Variants in ANKRD11 observed in about 807,000 individuals in gnomAD.
ANKRD11 encodes the protein ankyrin repeat domain-containing protein 11.
A neutral mutation model predicts 195.7 loss-of-function variants in ANKRD11; 17 were observed. The ratio of observed to expected loss-of-function variants is 0.09; its 90% confidence interval spans 0.06 to 0.13. ANKRD11 has a LOEUF of 0.13. ANKRD11 is among the 10% of genes least tolerant of loss of function. The pLI, the probability that ANKRD11 is intolerant of heterozygous loss-of-function variation, is 1.00. For missense variants in ANKRD11, 3,735 were observed against 3,566.1 expected (o/e 1.05, Z -1.21); for synonymous variants, 1,953 against 1,528.1 (o/e 1.28, Z -6.49).
intron 1 of ANKRD11, among the ~76,000 whole-genome samples, chr16:89,429,104 G>A (rs1041704486): frequency 2.0e-5 from 3 of 151,362 alleles, no homozygotes; most frequent in African/African-American, 7.3e-5. Context: ...CAACTCTCAC[G>A]CTCAGACGTT....
intron 2 of ANKRD11, among the ~76,000 whole-genome samples, chr16:89,356,792 A>AG (rs1259798500): frequency 6.6e-6 from 1 of 151,214 alleles, no homozygotes; most frequent in Non-Finnish European, 1.5e-5. Flanking sequence ...AAAAAAAAAA[A>AG]AAAGAAAAAA....
chr16:89,286,204 C>T lies in ANKRD11; in HGVS notation c.745-18G>A, dbSNP rs754189824. On this transcript the variant is annotated intron_variant, in intron 7 of 12. Transcript: ENST00000301030. ...TTCACCACCTACAAGACAGTAACAC[C>T]CGCGTCAGGGACTGCTGGAGAAGCA... 1.9e-6 allele frequency: 3 copies of T among 1,611,738 alleles called. No homozygotes were observed. Among genetic ancestry groups the T allele is most frequent in the South Asian group, 2.2e-5 (2 of 91,076 alleles).
In ANKRD11 at chr16:89,281,352, A is replaced by T. The variant is rs781519117; in HGVS notation, c.5190T>A (p.Asp1730Glu). 1 of 1,611,708 alleles carries T rather than the reference A, an allele frequency of 6.2e-7. No homozygotes were observed. Among genetic ancestry groups the T allele is most frequent in the Admixed American group, 1.7e-5 (1 of 59,956 alleles). Residue 1730 changes from aspartate (D) to glutamate (E), a missense_variant, in exon 9 of 13, where the codon GAT (aspartate) becomes GAA (glutamate). Asp to Glu is a conservative substitution (Grantham distance 45). Coordinates refer to ENST00000301030, the MANE Select transcript of ANKRD11 (RefSeq NM_013275.6). The surrounding 1 kb of genome is among the most constrained non-coding windows in gnomAD (Gnocchi z 5.5). ...HTPRTPSCSA[D>E]DYADLVFDCA... ...AGTCGAACACGAGGTCCGCGTAGTC[A>T]TCGGCGCTGCAGGACGGGGTCCTGG...
intron 2 of ANKRD11, among the ~76,000 whole-genome samples, chr16:89,328,614 CTGAG>C (rs1567655142): frequency 6.8e-6 from 1 of 146,772 alleles, no homozygotes; most frequent in East Asian, 2.0e-4. Flanking sequence ...GAGGCCCCTG[CTGAG>C]TGAGTGGACA....
chr16:89,331,220 C>G (rs1228035750), intron 2 of ANKRD11, among the ~76,000 whole-genome samples: 1 of 152,208 alleles, frequency 6.6e-6, no homozygotes. Flanking sequence ...TCCCAAAGTG[C>G]TAGGATTACA....
chr16:89,373,272 C>G (rs2040271768), intron 2 of ANKRD11: 1 of 152,348 alleles, frequency 6.6e-6, no homozygotes, highest in East Asian at 1.9e-4. Context: ...AAAATTATCC[C>G]CAGATAAGTG....
intron 1 of ANKRD11, among the ~76,000 whole-genome samples, chr16:89,436,178 A>T (rs1456174957): frequency 6.6e-6 from 1 of 152,048 alleles, no homozygotes; most frequent in Non-Finnish European, 1.5e-5. Context: ...ACTTTAGGAG[A>T]CGGAGATGGG....
intron 3 of ANKRD11, among the ~76,000 whole-genome samples, chr16:89,314,697 C>G (rs1414896288): frequency 6.6e-6 from 1 of 152,188 alleles, no homozygotes. Flanking sequence ...CTCCCTCTTT[C>G]CTCCACTGCT....
intron 3 of ANKRD11, among the ~76,000 whole-genome samples, chr16:89,311,673 G>C (rs2036614879): frequency 6.6e-6 from 1 of 152,170 alleles, no homozygotes; most frequent in African/African-American, 2.4e-5. Context: ...GCCAAAGATA[G>C]GATTTTAAAA....
intron 9 of ANKRD11, chr16:89,278,436 G>T (rs541040617): frequency 4.6e-6 from 2 of 435,338 alleles, no homozygotes; most frequent in African/African-American, 2.0e-5. Flanking sequence ...GGGCCCAGAC[G>T]TAGCGCAAGG....
chr16:89,379,575 C>A (rs983590455), intron 2 of ANKRD11, among the ~76,000 whole-genome samples: 8 of 152,210 alleles, frequency 5.3e-5, no homozygotes, highest in Non-Finnish European at 4.4e-5. Flanking sequence ...ACCTCCTGGG[C>A]TCAAGTGACA....
chr16:89,284,112 T>G lies in ANKRD11; in HGVS notation c.2430A>C (p.Glu810Asp). The change falls in exon 9 of 13, where the codon GAA becomes GAC. Residue 810 changes from glutamate (E) to aspartate (D), a missense_variant. Coordinates refer to ENST00000301030, the MANE Select transcript of ANKRD11 (RefSeq NM_013275.6). ...TACAATATTCGTCAAAAGCAGAATCTTCCCTATAAACCTTTTCTTTTTTGA... is the reference window on the plus strand; with the variant it reads ...TACAATATTCGTCAAAAGCAGAATCGTCCCTATAAACCTTTTCTTTTTTGA... Reference protein sequence around the residue: ...EKLKKEKVYREDSAFDEYCNK... With the variant: ...EKLKKEKVYRDDSAFDEYCNK... 1.9e-6 allele frequency: 3 copies of G among 1,613,802 alleles called. No individual in the cohort carries two copies. Among genetic ancestry groups the G allele is most frequent in the African/African-American group, 1.3e-5 (1 of 75,058 alleles).
intron 2 of ANKRD11, chr16:89,339,932 C>T (rs1475273829): frequency 6.6e-6 from 1 of 152,170 alleles, no homozygotes; most frequent in East Asian, 1.9e-4. Flanking sequence ...TGGACGGTTC[C>T]TGCCGTACCT....
At chr16:89,424,553 A>C (rs1193830476) in intron 1 of ANKRD11, among the ~76,000 whole-genome samples, 1 of 152,184 alleles carries the variant, frequency 6.6e-6, no homozygotes, top group African/African-American at 2.4e-5. Flanking sequence ...CCATGGATAA[A>C]TAAGCTGAGT....
At chr16:89,381,680 CT>C (rs1289205765) in intron 2 of ANKRD11, among the ~76,000 whole-genome samples, 1 of 152,208 alleles carries the variant, frequency 6.6e-6, no homozygotes, top group African/African-American at 2.4e-5. Flanking sequence ...ACCTTCAGAA[CT>C]CTCATCAGGA....
At chr16:89,311,837 A>G (rs1567624989) in intron 3 of ANKRD11, among the ~76,000 whole-genome samples, 1 of 152,176 alleles carries the variant, frequency 6.6e-6, no homozygotes, top group Non-Finnish European at 1.5e-5. Context: ...TTTCTTTCTT[A>G]AAGTGGGAAG....
Position 89,280,582 on chromosome 16 carries a change from A to G in ANKRD11, c.5960T>C (p.Phe1987Ser), listed in dbSNP as rs750094695. ...GCAGAAACGCTTTGGGGACTCGGGGAATCTCTGTGGAGACTTCAGCAGGAG... is the reference window on the plus strand; with the variant it reads ...GCAGAAACGCTTTGGGGACTCGGGGGATCTCTGTGGAGACTTCAGCAGGAG... ...SDLLLKSPQR[F>S]PESPKRFCPA... The change falls in exon 9 of 13, where the codon TTC becomes TCC. Residue 1987 changes from phenylalanine to serine, a missense_variant. Physicochemically the swap from Phe to Ser is radical, Grantham distance 155 (BLOSUM62 -2). Transcript: ENST00000301030. 124 of 1,613,212 alleles carry G rather than the reference A, an allele frequency of 7.7e-5. No homozygotes were observed. The highest frequency in any genetic ancestry group is 1.0e-4 in the Non-Finnish European group (118 of 1,179,920).
At chr16:89,424,716 G>C (rs961131099) in intron 1 of ANKRD11, among the ~76,000 whole-genome samples, 6 of 152,186 alleles carry the variant, frequency 3.9e-5, no homozygotes, top group Admixed American at 6.5e-5. Flanking sequence ...GTGGTTCTCA[G>C]GGGTTAGGGA....
chr16:89,291,210 A>G lies in ANKRD11; in HGVS notation c.227-27T>C. 6.2e-7 allele frequency: 1 copy of G among 1,611,044 alleles called. No individual in the cohort carries two copies. The highest frequency in any genetic ancestry group is 2.2e-5 in the East Asian group (1 of 44,866). On this transcript the variant is annotated intron_variant, in intron 4 of 12. Transcript: ENST00000301030. This position sits in a 1 kb window ranked among gnomAD's most constrained non-coding sequence, Gnocchi z 5.3. ...TGTGAGGCGGGCGAGGGAGAGAGGG[A>G]GGAGAGATTTCATGCCATGGTGTCC...
Sources: gnomAD v4.1 joint callset for allele counts (sites outside exome capture counted in the v4.1 genomes callset) on GRCh38, gnomAD v4.1.1 for gene constraint, Gnocchi (gnomAD v3.1) non-coding constraint, MANE v1.5 for transcripts, NCBI Gene and HGNC (gene_info 2026-07-23, HGNC 2026-07-21) for gene names.